Variants in FHAD1 observed in about 807,000 individuals in gnomAD.
FHAD1 encodes the protein forkhead associated phosphopeptide binding domain 1, also known as forkhead-associated domain-containing protein 1.
A neutral mutation model predicts 191.3 loss-of-function variants in FHAD1; 146 were observed. That is an observed-to-expected ratio of 0.76 (90% CI 0.67 to 0.88). The LOEUF (loss-of-function observed/expected upper bound fraction) is 0.88. FHAD1 is among the 40% of genes least tolerant of loss of function. FHAD1 has a pLI of 0.00. For synonymous variants in FHAD1, 616 were observed against 672.3 expected (o/e 0.92, Z 1.29); for missense variants, 1,635 against 1,785.8 (o/e 0.92, Z 1.52).
At position 15,360,513 on chromosome 1, in the gene FHAD1, G is replaced by T; in HGVS notation, c.2772G>T (p.Lys924Asn). The T allele has an allele frequency of 6.4e-7, 1 of 1,551,616 alleles. No homozygotes were observed. The change falls in exon 22 of 34, where the codon AAG becomes AAT. Residue 924 changes from lysine to asparagine, a missense_variant. Physicochemically the swap from Lys to Asn is moderately conservative, Grantham distance 94. Transcript: ENST00000688493. ...AAGAGCGGCTAATCCTGCAGCAGAA[G>T]ATGGTAAAGGCCCTCCAGGATGAGC... ...MVEERLILQQ[K>N]MVKALQDEQE... is the part of the protein sequence containing the mutation.
chr1:15,335,338 G>C (rs946432613), intron 14 of FHAD1: 1 of 152,196 alleles, frequency 6.6e-6, no homozygotes, highest in Admixed American at 6.5e-5. Context: ...TGCAAGCTCC[G>C]TCGTTTGTGT....
At chr1:15,313,866 T>A (rs928548700) in intron 8 of FHAD1, among the ~76,000 whole-genome samples, 1 of 150,714 alleles carries the variant, frequency 6.6e-6, no homozygotes, top group Non-Finnish European at 1.5e-5. Context: ...AGATCAGGAG[T>A]TTGAGGCCAG....
intron 4 of FHAD1, among the ~76,000 whole-genome samples, chr1:15,292,795 A>C (rs533825762): frequency 2.9e-4 from 44 of 152,266 alleles, no homozygotes; most frequent in South Asian, 8.3e-4. Flanking sequence ...CAACCTCTAA[A>C]ACTTGAAAAA....
chr1:15,262,331 T>A (rs1016565923), intron 2 of FHAD1, among the ~76,000 whole-genome samples: 2 of 152,206 alleles, frequency 1.3e-5, no homozygotes, highest in African/African-American at 4.8e-5. Context: ...ACTGTTTCAT[T>A]TATTCTTCAC....
intron 23 of FHAD1, among the ~76,000 whole-genome samples, chr1:15,364,678 T>C (rs1438239223): frequency 6.6e-6 from 1 of 152,160 alleles, no homozygotes; most frequent in East Asian, 1.9e-4. Context: ...GCCTGTGAAC[T>C]CAAATGAAGT....
chr1:15,275,243 T>G (rs1336575114), intron 3 of FHAD1, among the ~76,000 whole-genome samples: 1 of 152,214 alleles, frequency 6.6e-6, no homozygotes, highest in African/African-American at 2.4e-5. Context: ...ATTACAGGCG[T>G]GAGCCACCGC....
Position 15,329,122 on chromosome 1 carries a change from AG to A in FHAD1, c.1711-219del. ...GGCTCTGGGGTTTCATAGACCTAAA[AG>A]GGGGTTCGCTTTGACCATCAAAAGT... On this transcript the variant is annotated intron_variant, in intron 13 of 33. Transcript: ENST00000688493. The surrounding 1 kb of genome is among the most constrained non-coding windows in gnomAD (Gnocchi z 5.0). 2.5e-6 allele frequency: 1 copy of A among 399,286 alleles called. No homozygotes were observed. 24.7% of individuals were successfully genotyped at this position (399,286 alleles called of 1,614,324 possible).
At chr1:15,266,494 A>G (rs894176728) in intron 2 of FHAD1, among the ~76,000 whole-genome samples, 14 of 151,294 alleles carry the variant, frequency 9.3e-5, no homozygotes, top group Non-Finnish European at 1.8e-4. Context: ...CCCCTCCCCC[A>G]CAACACTCAC....
At chr1:15,296,592 GAAAC>G (rs1558035340) in intron 4 of FHAD1, 88 bp from the exon 5 acceptor site, 1 of 1,142,464 alleles carries the variant, frequency 8.8e-7, no homozygotes, top group East Asian at 2.6e-5. Flanking sequence ...TCTCTGGGGG[GAAAC>G]AAACAGGAAG....
intron 33 of FHAD1, among the ~76,000 whole-genome samples, chr1:15,393,390 C>T (rs780937060): frequency 1.1e-4 from 17 of 149,560 alleles, no homozygotes; most frequent in Non-Finnish European, 1.9e-4. Context: ...ATGTATAAAG[C>T]AATAGCCATA....
At chr1:15,241,975 C>T (rs907351177) in intron 1 of FHAD1, among the ~76,000 whole-genome samples, 1 of 152,218 alleles carries the variant, frequency 6.6e-6, no homozygotes, top group East Asian at 1.9e-4. Flanking sequence ...TGGCTCACGC[C>T]TCTAATCCCA....
At chr1:15,342,464 G>A (rs74057311) in intron 16 of FHAD1, among the ~76,000 whole-genome samples, 2,585 of 152,272 alleles carry the variant, frequency 0.017, 81 homozygotes, top group African/African-American at 0.059. Flanking sequence ...GACGCTACCA[G>A]TCTGCAGATC....
chr1:15,389,412 A>T (rs569345463), intron 32 of FHAD1, among the ~76,000 whole-genome samples: 1 of 147,012 alleles, frequency 6.8e-6, no homozygotes, highest in Non-Finnish European at 1.5e-5. Context: ...CATCCCGCTA[A>T]ACTCTAGCCT....
Position 15,316,011 on chromosome 1 carries a change from G to A in FHAD1, c.1171-367G>A, listed in dbSNP as rs1674316035. 6.6e-6 allele frequency among the ~76,000 whole-genome samples: 1 copy of A among 152,236 alleles called. No homozygotes were observed. Among genetic ancestry groups the A allele is most frequent in the South Asian group, 2.1e-4 (1 of 4,830 alleles). On this transcript the variant is annotated intron_variant, in intron 8 of 33. Coordinates refer to ENST00000688493, the MANE Select transcript of FHAD1 (RefSeq NM_001391957.1). The surrounding 1 kb of genome is among the most constrained non-coding windows in gnomAD (Gnocchi z 4.3). ...CTCCCAGGGCAGTGGTGTCTTGGAG[G>A]AGTGAATTGCATGAAGCACTGAGAG...
chr1:15,394,459 C>T (rs763151500), intron 33 of FHAD1, among the ~76,000 whole-genome samples: 12 of 152,120 alleles, frequency 7.9e-5, no homozygotes, highest in Non-Finnish European at 1.8e-4. Flanking sequence ...TTCTTTTTCC[C>T]TGCGCATTTG....
chr1:15,359,716 C>T (rs534319028), intron 21 of FHAD1, among the ~76,000 whole-genome samples: 17 of 151,980 alleles, frequency 1.1e-4, no homozygotes, highest in East Asian at 7.7e-4. Context: ...AATGGGAGGC[C>T]GAGGCGGGCG....
chr1:15,379,710 T>C (rs1176438778), intron 28 of FHAD1, among the ~76,000 whole-genome samples: 1 of 152,244 alleles, frequency 6.6e-6, no homozygotes, highest in Non-Finnish European at 1.5e-5. Context: ...TGTCCCTGGG[T>C]ACTTGAGATT....
At chr1:15,262,236 C>G (rs1007162013) in intron 2 of FHAD1, among the ~76,000 whole-genome samples, 2 of 152,208 alleles carry the variant, frequency 1.3e-5, no homozygotes, top group Non-Finnish European at 2.9e-5. Flanking sequence ...TTTCTAAGTG[C>G]AGAGCCCATC....
chr1:15,342,954 C>T (rs1687346223), intron 16 of FHAD1, among the ~76,000 whole-genome samples: 1 of 151,894 alleles, frequency 6.6e-6, no homozygotes, highest in South Asian at 2.1e-4. Flanking sequence ...CACCACCACA[C>T]CCAGCTAATA....
Sources: allele counts gnomAD v4.1 joint callset (sites outside exome capture counted in the v4.1 genomes callset), GRCh38; gene constraint gnomAD v4.1.1; non-coding constraint Gnocchi (gnomAD v3.1); transcripts MANE v1.5; gene names NCBI Gene and HGNC (gene_info 2026-07-23, HGNC 2026-07-21).